RAB11FIP4: variants seen among roughly 807,000 people sequenced by gnomAD.
RAB11FIP4 encodes the protein rab11 family-interacting protein 4.
RAB11FIP4 carries 23 observed loss-of-function variants against 74.3 expected under a neutral mutation model. That is an observed-to-expected ratio of 0.31 (90% CI 0.22 to 0.44). The LOEUF is 0.44. Among genes scored for constraint, RAB11FIP4 ranks in the 20% least tolerant of loss-of-function variants. The pLI, the probability that RAB11FIP4 is intolerant of heterozygous loss-of-function variation, is 1.00. For missense variants in RAB11FIP4, 630 were observed against 863.9 expected, an observed-to-expected ratio of 0.73 and a Z score of 3.39; for synonymous variants, 360 against 359.9, an observed-to-expected ratio of 1.00 and a Z score of 0.00.
chr17:31,424,401 C>T (rs1363644595), intron 1 of RAB11FIP4, among the ~76,000 whole-genome samples: 1 of 152,078 alleles, frequency 6.6e-6, no homozygotes, highest in Non-Finnish European at 1.5e-5. Context: ...GCTAGCTGGC[C>T]ACCTCTGCTT....
intron 1 of RAB11FIP4, among the ~76,000 whole-genome samples, chr17:31,393,444 C>A (rs984854133): frequency 1.3e-5 from 2 of 152,220 alleles, no homozygotes; most frequent in African/African-American, 2.4e-5. Flanking sequence ...AACCTGGAGT[C>A]CCCGAACTCA....
chr17:31,533,131 T>A lies in RAB11FIP4; in HGVS notation c.*1399T>A, dbSNP rs140221533. On this transcript the variant is annotated 3_prime_UTR_variant, in exon 15 of 15. Coordinates refer to ENST00000621161, the MANE Select transcript of RAB11FIP4 (RefSeq NM_032932.6). ...GGTTTGGGCATGTTGGGAAGGGCGGTGGAGGGGGAGTTGCAGAAAGAGAGG... is the reference window on the plus strand; with the variant it reads ...GGTTTGGGCATGTTGGGAAGGGCGGAGGAGGGGGAGTTGCAGAAAGAGAGG... 6.6e-6 allele frequency: 1 copy of A among 151,982 alleles called. No homozygotes were observed. Among genetic ancestry groups the A allele is most frequent in the Non-Finnish European group, 1.5e-5 (1 of 68,028 alleles). The allele number at this position is 151,982 out of a possible 1,614,324, so 9.4% of individuals were successfully genotyped here.
intron 3 of RAB11FIP4, among the ~76,000 whole-genome samples, chr17:31,506,193 A>G (rs79514416): frequency 0.031 from 4,756 of 152,220 alleles, 232 homozygotes; most frequent in African/African-American, 0.11. Flanking sequence ...TAATAGGATT[A>G]TTTACTCAGT....
At chr17:31,470,699 A>G (rs1282057422) in intron 3 of RAB11FIP4, among the ~76,000 whole-genome samples, 1 of 152,222 alleles carries the variant, frequency 6.6e-6, no homozygotes. Context: ...CCAGTTACTG[A>G]GTGGGCCTCT....
chr17:31,528,889 G>C (rs982836093), intron 13 of RAB11FIP4, 111 bp downstream of exon 13: 31 of 1,236,354 alleles, frequency 2.5e-5, no homozygotes, highest in Non-Finnish European at 4.4e-6. Context: ...AGCACTGCCT[G>C]TCTGCTTCTC....
chr17:31,431,842 C>A lies in RAB11FIP4; in HGVS notation c.189C>A (p.Pro63=), dbSNP rs1190820949. 6.2e-7 allele frequency: 1 copy of A among 1,613,426 alleles called. No individual in the cohort carries two copies. The highest frequency in any genetic ancestry group is 2.2e-5 in the East Asian group (1 of 44,836). ...AAAAACTTGTGAAATATTTGGATCC[C>A]AACGACCTGGGGAGAATCAACTTCA... ...EVEKLVKYLD[P]NDLGRINFKD... Residue 63 remains proline (P), a synonymous_variant, in exon 2 of 15, where the codon CCC becomes CCA. Coordinates refer to ENST00000621161, the MANE Select transcript of RAB11FIP4 (RefSeq NM_032932.6).
intron 1 of RAB11FIP4, among the ~76,000 whole-genome samples, chr17:31,427,425 C>T (rs2071264004): frequency 6.6e-6 from 1 of 152,206 alleles, no homozygotes; most frequent in East Asian, 1.9e-4. Context: ...CCCCATCTGT[C>T]TGCCTGTCAT....
intron 3 of RAB11FIP4, among the ~76,000 whole-genome samples, chr17:31,513,730 G>A (rs2072494874): frequency 6.6e-6 from 1 of 152,202 alleles, no homozygotes; most frequent in Non-Finnish European, 1.5e-5. Flanking sequence ...AAACAACTGT[G>A]GGTTGAATGA....
At chr17:31,484,938 C>T (rs574531191) in intron 3 of RAB11FIP4, among the ~76,000 whole-genome samples, 5 of 152,310 alleles carry the variant, frequency 3.3e-5, no homozygotes, top group Non-Finnish European at 7.3e-5. Context: ...AACTTGCCTA[C>T]GTTCATTTAG....
intron 7 of RAB11FIP4, 103 bp from the exon 8 acceptor site, chr17:31,523,409 G>T (rs1457851757): frequency 2.2e-6 from 2 of 907,042 alleles, no homozygotes; most frequent in Non-Finnish European, 3.7e-6. Context: ...CCTTAAAGGG[G>T]CAGACCCCCT....
At chr17:31,469,816 A>G (rs1350062066) in intron 3 of RAB11FIP4, among the ~76,000 whole-genome samples, 4 of 152,228 alleles carry the variant, frequency 2.6e-5, no homozygotes, top group Non-Finnish European at 5.9e-5. Flanking sequence ...GACATTAATT[A>G]AAGCAACTAA....
intron 3 of RAB11FIP4, among the ~76,000 whole-genome samples, chr17:31,446,928 TC>T (rs879385996): frequency 2.6e-5 from 4 of 152,018 alleles, no homozygotes; most frequent in Non-Finnish European, 4.4e-5. Flanking sequence ...GGCTGGAGGA[TC>T]CCTTGAGGCT....
At chr17:31,499,616 A>G (rs1000833840) in intron 3 of RAB11FIP4, among the ~76,000 whole-genome samples, 1 of 152,082 alleles carries the variant, frequency 6.6e-6, no homozygotes, top group Non-Finnish European at 1.5e-5. Context: ...CGGCCTCCCA[A>G]AGTGCTGGGA....
intron 1 of RAB11FIP4, among the ~76,000 whole-genome samples, chr17:31,394,949 G>GT (rs1491169636): frequency 8.0e-5 from 10 of 124,424 alleles, no homozygotes; most frequent in African/African-American, 3.2e-4. Flanking sequence ...GGGGGGGGGG[G>GT]GCTCCCTTAC....
chr17:31,520,573 T>C (rs2072644113), intron 4 of RAB11FIP4, among the ~76,000 whole-genome samples: 5 of 152,200 alleles, frequency 3.3e-5, no homozygotes. Context: ...AGTGGCACAA[T>C]CTCGGCTCAC....
intron 1 of RAB11FIP4, among the ~76,000 whole-genome samples, chr17:31,393,456 A>G (rs2070896660): frequency 6.6e-6 from 1 of 152,232 alleles, no homozygotes; most frequent in South Asian, 2.1e-4. Flanking sequence ...CCGAACTCAG[A>G]GCCTCAGTAG....
At chr17:31,457,090 G>C (rs1232360338) in intron 3 of RAB11FIP4, among the ~76,000 whole-genome samples, 1 of 152,192 alleles carries the variant, frequency 6.6e-6, no homozygotes, top group East Asian at 1.9e-4. Flanking sequence ...GAGGGATAGT[G>C]AGTTGCTCAG....
At position 31,438,707 on chromosome 17, in the gene RAB11FIP4, G is replaced by A. The variant is rs907671059; in HGVS notation, c.336+4585G>A. On this transcript the variant is annotated intron_variant, in intron 3 of 14. Coordinates refer to ENST00000621161, the MANE Select transcript of RAB11FIP4 (RefSeq NM_032932.6). ...CACCTAAAACTGGCGATACCAAACC[G>A]CTCCCCGTTTCCTGAGAAAGCCATG... 6.6e-5 allele frequency among the ~76,000 whole-genome samples: 10 copies of A among 152,040 alleles called. 1 individual carries two copies. Among genetic ancestry groups the A allele is most frequent in the South Asian group, 4.2e-4 (2 of 4,804 alleles).
In RAB11FIP4 at chr17:31,422,008, C is replaced by T. The variant is rs532069465; in HGVS notation, c.160-9805C>T. ...CAGCCTGGGCAACATAGTGAGACCC[C>T]CCGTCTCTACAAGAAAATTAGCTGG... On this transcript the variant is annotated intron_variant, in intron 1 of 14. Coordinates refer to ENST00000621161, the MANE Select transcript of RAB11FIP4 (RefSeq NM_032932.6). Among the ~76,000 whole-genome samples, 9 of 152,106 alleles carry T rather than the reference C, an allele frequency of 5.9e-5. No homozygotes were observed. In the South Asian group the frequency reaches 1.9e-3, roughly 32 times the overall value.
Sources: allele counts gnomAD v4.1 joint callset (sites outside exome capture counted in the v4.1 genomes callset), GRCh38; gene constraint gnomAD v4.1.1; transcripts MANE v1.5; gene names NCBI Gene and HGNC (gene_info 2026-07-23, HGNC 2026-07-21).